The following TIGD6 variants were observed in gnomAD, a reference collection of about 807,000 sequenced individuals.
TIGD6 encodes tigger transposable element derived 6.
A neutral mutation model predicts 2.6 loss-of-function variants in TIGD6; 1 was observed. That is an observed-to-expected ratio of 0.39 (90% CI 0.14 to 1.85). The LOEUF is 1.85. TIGD6 is among the 40% of genes most tolerant of loss of function. The pLI is 0.32. For synonymous variants in TIGD6, 193 were observed against 221.9 expected (o/e 0.87, Z 1.16); for missense variants, 601 against 634.2 (o/e 0.95, Z 0.56).
At chr5:149,999,636 G>A (rs1755491926) in intron 1 of TIGD6, among the ~76,000 whole-genome samples, 1 of 152,252 alleles carries the variant, frequency 6.6e-6, no homozygotes, top group East Asian at 1.9e-4. Flanking sequence ...TGAGGTGGGA[G>A]GATCTACTGC....
At chr5:149,996,545 G>A (rs769907743) in intron 1 of TIGD6, 116 bp from the exon 2 acceptor site, 5 of 731,640 alleles carry the variant, frequency 6.8e-6, no homozygotes, top group Non-Finnish European at 1.0e-5. Flanking sequence ...GTAAAGAAAA[G>A]ATAGGATTCA....
Position 149,995,923 on chromosome 5 carries a change from A to G in TIGD6, c.426T>C (p.Asp142=), listed in dbSNP as rs755560922. ...CTAGACCATTCATTAACCTGTCACTATCTTCTCTACAGACTGCTTTCAAAG... is the reference window on the plus strand; with the variant it reads ...CTAGACCATTCATTAACCTGTCACTGTCTTCTCTACAGACTGCTTTCAAAG... ...GIALKAVCRE[D]SDRLMNGLGI... is the part of the protein sequence containing the mutation. The change falls in exon 2 of 2, where the codon GAT becomes GAC. Residue 142 remains aspartate, a synonymous_variant. Transcript: ENST00000296736. The G allele has an allele frequency of 6.2e-7, 1 of 1,613,876 alleles. No individual in the cohort carries two copies. Among genetic ancestry groups the G allele is most frequent in the East Asian group, 2.2e-5 (1 of 44,886 alleles).
rs753740202 is a variant in TIGD6 at position 149,996,386 on chromosome 5, G to C, written c.-38C>G. ...AGGGCTGGCCACAACTAACAGGACT[G>C]TCTGGTTCCTCCTCGCGGCTTGCTT... On this transcript the variant is annotated 5_prime_UTR_variant, in exon 2 of 2. Coordinates refer to ENST00000296736, the MANE Select transcript of TIGD6 (RefSeq NM_030953.4). The C allele has an allele frequency of 6.5e-7, 1 of 1,543,946 alleles. No individual in the cohort carries two copies. The highest frequency in any genetic ancestry group is 8.7e-7 in the Non-Finnish European group (1 of 1,148,364).
At position 149,996,063 on chromosome 5, in the gene TIGD6, CA is replaced by C. The variant is rs1755378486; in HGVS notation, c.285del (p.Val96Ter). 1 of 1,613,514 alleles carries C rather than the reference CA, an allele frequency of 6.2e-7. No homozygotes were observed. The highest frequency in any genetic ancestry group is 1.7e-5 in the Admixed American group (1 of 60,004). ...TTTTTCCGAATGACAGAACCAGTCA[CA>C]AGAATGTTTTTGGCATGGATTTCTT... ...WFQEIHAKNI[L>X]VTGSVIRKKA... On this transcript the variant is annotated frameshift_variant, in exon 2 of 2. Transcript: ENST00000296736. LOFTEE classifies it low-confidence loss of function (END_TRUNC).
chr5:149,998,508 T>A (rs929108667), intron 1 of TIGD6, among the ~76,000 whole-genome samples: 3 of 152,048 alleles, frequency 2.0e-5, no homozygotes, highest in Non-Finnish European at 2.9e-5. Context: ...GAAACAGGGA[T>A]TGAAGTATTT....
chr5:149,998,591 G>A (rs1755455074), intron 1 of TIGD6, among the ~76,000 whole-genome samples: 1 of 152,180 alleles, frequency 6.6e-6, no homozygotes, highest in Non-Finnish European at 1.5e-5. Flanking sequence ...CCCTACGCTG[G>A]TCCAACAAAA....
chr5:149,999,313 T>G (rs1056253486), intron 1 of TIGD6, among the ~76,000 whole-genome samples: 1 of 152,200 alleles, frequency 6.6e-6, no homozygotes, highest in East Asian at 1.9e-4. Flanking sequence ...AAAAGCAGGC[T>G]AAACCAGTAG....
chr5:149,995,519 C>G lies in TIGD6; in HGVS notation c.830G>C (p.Arg277Pro), dbSNP rs201073263. The stretch of plus-strand genomic sequence containing the variant: ...GTTGTCTATGAGCAAGAGGATCCGG[C>G]GTTCCGCCCTCTTCATCCTGGCATC... The part of the protein sequence containing the change: ...QVDARMKRAE[R>P]RILLLIDNCS... The change falls in exon 2 of 2, where the codon CGC (arginine) becomes CCC (proline). Residue 277 changes from arginine (R) to proline (P), a missense_variant. Transcript: ENST00000296736. 6.2e-7 allele frequency: 1 copy of G among 1,614,122 alleles called. No homozygotes were observed. The highest frequency in any genetic ancestry group is 1.3e-5 in the African/African-American group (1 of 74,940).
Position 149,996,215 on chromosome 5 carries a change from GAT to G in TIGD6, c.132_133del (p.Leu44PhefsTer11), listed in dbSNP as rs750224394. Reference sequence around the variant, plus strand: ...TTTGGTGCGATCCTTTAAGAATGTAGATAAAGTAGAGGGAGTGATACCAAATT... The same window carrying G: ...TTTGGTGCGATCCTTTAAGAATGTAGAAAGTAGAGGGAGTGATACCAAATT... On this transcript the variant is annotated frameshift_variant, in exon 2 of 2. Coordinates refer to ENST00000296736, the MANE Select transcript of TIGD6 (RefSeq NM_030953.4). LOFTEE classifies it high-confidence loss of function. 1.9e-5 allele frequency: 31 copies of G among 1,614,110 alleles called. No homozygotes were observed. The highest frequency in any genetic ancestry group is 2.6e-5 in the Non-Finnish European group (31 of 1,180,054).
chr5:149,994,910 AG>A lies in TIGD6; in HGVS notation c.1438del (p.Leu480PhefsTer5). 6.2e-7 allele frequency: 1 copy of A among 1,612,496 alleles called. No individual in the cohort carries two copies. On this transcript the variant is annotated frameshift_variant, in exon 2 of 2. Coordinates refer to ENST00000296736, the MANE Select transcript of TIGD6 (RefSeq NM_030953.4). LOFTEE classifies it high-confidence loss of function. Reference sequence around the variant, plus strand: ...ATCAGGAATGTCTACACAAGTGGAAAGGAACTGTCTAAGTTTCTGTACACTT... The same window carrying A: ...ATCAGGAATGTCTACACAAGTGGAAAGAACTGTCTAAGTTTCTGTACACTT... ...ISSVQKLRQF[L>X]STCVDIPDAI...
intron 1 of TIGD6, among the ~76,000 whole-genome samples, chr5:149,998,586 C>T (rs576537663): frequency 3.3e-5 from 5 of 152,232 alleles, no homozygotes; most frequent in African/African-American, 4.8e-5. Flanking sequence ...CCCTGCCCTA[C>T]GCTGGTCCAA....
rs199960555 is a variant in TIGD6 at position 149,995,290 on chromosome 5, G to T, written c.1059C>A (p.Ile353=). The part of the protein sequence containing the change: ...DQEEVDIKQA[I]DMIAAAWWSV... Reference sequence around the variant, plus strand: ...ACCACCACGCTGCAGCAATCATGTCGATGGCCTGCTTGATGTCCACCTCTT... The same window carrying T: ...ACCACCACGCTGCAGCAATCATGTCTATGGCCTGCTTGATGTCCACCTCTT... The change falls in exon 2 of 2, where the codon ATC becomes ATA. Residue 353 remains isoleucine (I), a synonymous_variant. Coordinates refer to ENST00000296736, the MANE Select transcript of TIGD6 (RefSeq NM_030953.4). The T allele has an allele frequency of 6.2e-7, 1 of 1,605,006 alleles. No individual in the cohort carries two copies. The highest frequency in any genetic ancestry group is 2.2e-5 in the East Asian group (1 of 44,512).
Position 149,995,412 on chromosome 5 carries a change from G to A in TIGD6, c.937C>T (p.Pro313Ser), listed in dbSNP as rs1412163651. 1.9e-6 allele frequency: 3 copies of A among 1,614,256 alleles called. 1 individual carries two copies. In the South Asian group the frequency reaches 3.3e-5, roughly 18 times the overall value. ...LPSNCTAVLQPLNLGIIHTMK... is the reference protein window; with the variant it reads ...LPSNCTAVLQSLNLGIIHTMK... ...GTGTGAATTATGCCAAGATTCAGTGGCTGCAGGACAGCAGTACAGTTGGAG... is the reference window on the plus strand; with the variant it reads ...GTGTGAATTATGCCAAGATTCAGTGACTGCAGGACAGCAGTACAGTTGGAG... The change falls in exon 2 of 2, where the codon CCA (proline) becomes TCA (serine). Residue 313 changes from proline (P) to serine (S), a missense_variant. Transcript: ENST00000296736.
rs530626748 is a variant in TIGD6 at position 149,995,516 on chromosome 5, C to T, written c.833G>A (p.Arg278Gln). ...VDARMKRAER[R>Q]ILLLIDNCSA... ...GCAGTTGTCTATGAGCAAGAGGATC[C>T]GGCGTTCCGCCCTCTTCATCCTGGC... The change falls in exon 2 of 2, where the codon CGG becomes CAG. Residue 278 changes from arginine to glutamine, a missense_variant. Coordinates refer to ENST00000296736, the MANE Select transcript of TIGD6 (RefSeq NM_030953.4). The T allele has an allele frequency of 4.5e-5, 72 of 1,614,100 alleles. No homozygotes were observed. Among genetic ancestry groups the T allele is most frequent in the South Asian group, 2.0e-4 (18 of 91,086 alleles).
chr5:149,995,322 C>T lies in TIGD6; in HGVS notation c.1027G>A (p.Asp343Asn). ...QILLKLNSSE[D>N]QEEVDIKQAI... Reference sequence around the variant, plus strand: ...TGCTTGATGTCCACCTCTTCTTGATCCTCACTGCTGTTGAGCTTGAGGAGG... The same window carrying T: ...TGCTTGATGTCCACCTCTTCTTGATTCTCACTGCTGTTGAGCTTGAGGAGG... The change falls in exon 2 of 2, where the codon GAT becomes AAT. Residue 343 changes from aspartate to asparagine, a missense_variant. By Grantham distance (23) the Asp-to-Asn change is conservative. Coordinates refer to ENST00000296736, the MANE Select transcript of TIGD6 (RefSeq NM_030953.4). 1 of 1,614,160 alleles carries T rather than the reference C, an allele frequency of 6.2e-7. No individual in the cohort carries two copies.
At chr5:150,000,085 T>C (rs1436691819) in intron 1 of TIGD6, 2 of 154,518 alleles carry the variant, frequency 1.3e-5, no homozygotes, top group Non-Finnish European at 2.9e-5. Context: ...GTGAGGGTTG[T>C]GCGGGAACTT....
At position 149,994,171 on chromosome 5, in the gene TIGD6, TG is replaced by T. The variant is rs1755322955; in HGVS notation, c.*611del. 3.3e-5 allele frequency: 5 copies of T among 152,276 alleles called. No homozygotes were observed. Among genetic ancestry groups the T allele is most frequent in the Non-Finnish European group, 5.9e-5 (4 of 68,092 alleles). 9.4% of individuals were successfully genotyped at this position (152,276 alleles called of 1,614,324 possible). ...CCAGTGGTTTTCAAAGCATGGAGCC[TG>T]GACTGCATCAGCTGAGAATGTGTTA... On this transcript the variant is annotated 3_prime_UTR_variant, in exon 2 of 2. Transcript: ENST00000296736.
At position 149,993,375 on chromosome 5, in the gene TIGD6, G is replaced by A. The variant is rs1755305751; in HGVS notation, c.*1408C>T. On this transcript the variant is annotated 3_prime_UTR_variant, in exon 2 of 2. Coordinates refer to ENST00000296736, the MANE Select transcript of TIGD6 (RefSeq NM_030953.4). ...GAAAAATGACATCACACCATTAGCA[G>A]GTATTGTGTGAAACTTCTAAAAATG... 1 of 152,136 alleles carries A rather than the reference G, an allele frequency of 6.6e-6. No individual in the cohort carries two copies. Among genetic ancestry groups the A allele is most frequent in the Admixed American group, 6.5e-5 (1 of 15,282 alleles). 9.4% of individuals were successfully genotyped at this position (152,136 alleles called of 1,614,324 possible). A position where few individuals can be genotyped will look rare whatever the true frequency, so the allele number is the denominator to read the frequency against.
In TIGD6 at chr5:150,000,548, C is replaced by T. The variant is rs976281445; in HGVS notation, c.-156G>A. The T allele has an allele frequency of 6.5e-6, 1 of 154,870 alleles. No individual in the cohort carries two copies. The highest frequency in any genetic ancestry group is 2.4e-5 in the African/African-American group (1 of 41,554). 9.6% of individuals were successfully genotyped at this position (154,870 alleles called of 1,614,324 possible). On this transcript the variant is annotated 5_prime_UTR_variant, in exon 1 of 2. Coordinates refer to ENST00000296736, the MANE Select transcript of TIGD6 (RefSeq NM_030953.4). ...CCGCCGGCAGCCACAGCTTCCTCCT[C>T]CGCCCGGGACCTCTGGCCGGAAGCA...
Sources: allele counts gnomAD v4.1 joint callset (sites outside exome capture counted in the v4.1 genomes callset), GRCh38; gene constraint gnomAD v4.1.1; transcripts MANE v1.5; gene names NCBI Gene and HGNC (gene_info 2026-07-23, HGNC 2026-07-21).